The following MGMT variants were observed in gnomAD, a reference collection of about 807,000 sequenced individuals.
MGMT encodes methylated-DNA--protein-cysteine methyltransferase.
Under a neutral mutation model 15.9 loss-of-function variants are expected in MGMT, and 14 were observed. That is an observed-to-expected ratio of 0.88 (90% confidence interval 0.58 to 1.37). MGMT has a LOEUF of 1.37. Among genes scored for constraint, MGMT ranks in the 40% most tolerant of loss-of-function variants. MGMT has a pLI of 0.00. For missense variants in MGMT, 282 were observed against 268.1 expected (o/e 1.05, Z -0.36); for synonymous variants, 130 against 118.2 (o/e 1.10, Z -0.65).
intron 4 of MGMT, among the ~76,000 whole-genome samples, chr10:129,760,230 C>T (rs527577503): frequency 3.7e-4 from 57 of 152,338 alleles, no homozygotes; most frequent in African/African-American, 7.5e-4. Flanking sequence ...CATGTGCGCC[C>T]GGCCAAGGCC....
chr10:129,592,372 T>C (rs1250469640), intron 2 of MGMT, among the ~76,000 whole-genome samples: 1 of 152,250 alleles, frequency 6.6e-6, no homozygotes, highest in Non-Finnish European at 1.5e-5. Flanking sequence ...CTGATACCAG[T>C]GTGGCATTAA....
At chr10:129,689,670 G>C (rs1847948360) in intron 2 of MGMT, among the ~76,000 whole-genome samples, 1 of 152,156 alleles carries the variant, frequency 6.6e-6, no homozygotes, top group African/African-American at 2.4e-5. Context: ...AAAATATTAT[G>C]CTCCCAGGCA....
At chr10:129,727,642 G>C (rs1201641676) in intron 3 of MGMT, among the ~76,000 whole-genome samples, 1 of 152,206 alleles carries the variant, frequency 6.6e-6, no homozygotes, top group Non-Finnish European at 1.5e-5. Context: ...AGTACAGACT[G>C]TGAAGACCCG....
At chr10:129,472,890 G>A in intron 1 of MGMT, among the ~76,000 whole-genome samples, 1 of 152,178 alleles carries the variant, frequency 6.6e-6, no homozygotes. Context: ...CTAGGTCCCT[G>A]AAGTCCTTTT....
chr10:129,740,227 G>A (rs1848615451), intron 3 of MGMT, among the ~76,000 whole-genome samples: 1 of 152,148 alleles, frequency 6.6e-6, no homozygotes, highest in Non-Finnish European at 1.5e-5. Flanking sequence ...ACCCCAGGAT[G>A]CCATCAGCCC....
intron 1 of MGMT, among the ~76,000 whole-genome samples, chr10:129,477,314 G>A (rs1358803983): frequency 6.6e-6 from 1 of 152,100 alleles, no homozygotes; most frequent in African/African-American, 2.4e-5. Flanking sequence ...TCTCTTGATG[G>A]TGGGATGCTA....
chr10:129,531,996 C>A (rs2119750589), intron 1 of MGMT, among the ~76,000 whole-genome samples: 1 of 152,324 alleles, frequency 6.6e-6, no homozygotes, highest in Admixed American at 6.5e-5. Flanking sequence ...TGAACTCATT[C>A]ATTGTTGCAG....
At chr10:129,755,511 C>T (rs577902030) in intron 3 of MGMT, among the ~76,000 whole-genome samples, 1 of 152,344 alleles carries the variant, frequency 6.6e-6, no homozygotes, top group East Asian at 1.9e-4. Flanking sequence ...TGCAGCCTGG[C>T]TAAGGAAAAG....
At chr10:129,651,838 A>G (rs1038557602) in intron 2 of MGMT, among the ~76,000 whole-genome samples, 5 of 152,220 alleles carry the variant, frequency 3.3e-5, no homozygotes, top group African/African-American at 1.2e-4. Context: ...AAAAGAAAGA[A>G]AAAAGATATC....
intron 3 of MGMT, among the ~76,000 whole-genome samples, chr10:129,758,978 C>A (rs1286148996): frequency 1.3e-5 from 2 of 152,264 alleles, no homozygotes; most frequent in Admixed American, 1.3e-4. Flanking sequence ...GGTGCCAGCT[C>A]CAAGGATGCC....
At position 129,721,254 on chromosome 10, in the gene MGMT, A is replaced by T. The variant is rs139583103; in HGVS notation, c.274+13211A>T. The stretch of plus-strand genomic sequence containing the variant: ...TTGCCTTTAAAACTAATGATGTTAC[A>T]GATATTCTAGGTTGTGTGCCCTAGT... On this transcript the variant is annotated intron_variant, in intron 3 of 4. Transcript: ENST00000651593. Among the ~76,000 whole-genome samples, 1,363 of 152,396 alleles carry T rather than the reference A, an allele frequency of 8.9e-3. 14 individuals are homozygous for T. Among genetic ancestry groups the T allele is most frequent in the Middle Eastern group, 0.014 (4 of 294 alleles).
chr10:129,712,553 C>A (rs1589952385), intron 3 of MGMT, among the ~76,000 whole-genome samples: 1 of 152,124 alleles, frequency 6.6e-6, no homozygotes, highest in Non-Finnish European at 1.5e-5. Flanking sequence ...TCAAAAGCGC[C>A]TCTAACAAAA....
At chr10:129,613,907 A>G (rs1057117569) in intron 2 of MGMT, among the ~76,000 whole-genome samples, 1 of 152,240 alleles carries the variant, frequency 6.6e-6, no homozygotes, top group Non-Finnish European at 1.5e-5. Context: ...TGGCTTGGCT[A>G]ATTCATGGTG....
intron 2 of MGMT, among the ~76,000 whole-genome samples, chr10:129,602,784 C>T (rs1224502408): frequency 6.6e-6 from 1 of 152,056 alleles, no homozygotes; most frequent in Non-Finnish European, 1.5e-5. Flanking sequence ...AACTTTTTAC[C>T]ATGATCGATG....
chr10:129,643,505 G>A (rs560739333), intron 2 of MGMT, among the ~76,000 whole-genome samples: 38 of 152,302 alleles, frequency 2.5e-4, no homozygotes, highest in African/African-American at 9.1e-4. Flanking sequence ...GACGTGGACG[G>A]CAGCAGAGCC....
chr10:129,629,485 G>A (rs1847187253), intron 2 of MGMT, among the ~76,000 whole-genome samples: 1 of 152,164 alleles, frequency 6.6e-6, no homozygotes, highest in Admixed American at 6.5e-5. Context: ...TTTCCCTCAA[G>A]CTTTATTCTG....
At chr10:129,485,726 C>T (rs973483232) in intron 1 of MGMT, among the ~76,000 whole-genome samples, 8 of 152,236 alleles carry the variant, frequency 5.3e-5, no homozygotes, top group African/African-American at 1.9e-4. Flanking sequence ...GACTTTATTT[C>T]GTTTTAGCTG....
intron 1 of MGMT, among the ~76,000 whole-genome samples, chr10:129,480,093 A>G (rs973168680): frequency 6.6e-6 from 1 of 152,202 alleles, no homozygotes; most frequent in African/African-American, 2.4e-5. Flanking sequence ...AAAACTTCAT[A>G]ATGCCTGGAT....
intron 1 of MGMT, among the ~76,000 whole-genome samples, chr10:129,495,112 A>G (rs940978932): frequency 6.6e-6 from 1 of 152,210 alleles, no homozygotes; most frequent in Non-Finnish European, 1.5e-5. Flanking sequence ...GTTCCGTTAA[A>G]CCAGATTGTG....
Sources: allele counts gnomAD v4.1 joint callset (sites outside exome capture counted in the v4.1 genomes callset), GRCh38; gene constraint gnomAD v4.1.1; transcripts MANE v1.5; gene names NCBI Gene and HGNC (gene_info 2026-07-23, HGNC 2026-07-21).